Variants in SETX observed in about 807,000 individuals in gnomAD.
The protein encoded by SETX is helicase senataxin.
A neutral mutation model predicts 227.2 loss-of-function variants in SETX; 90 were observed. That is an observed-to-expected ratio of 0.40 (90% confidence interval 0.33 to 0.47). SETX has a LOEUF of 0.47. SETX is among the 20% of genes least tolerant of loss of function. SETX has a pLI of 0.91. For synonymous variants in SETX, 1,210 were observed against 1,113.2 expected (o/e 1.09, Z -1.73); for missense variants, 3,052 against 3,181.5 (o/e 0.96, Z 0.98).
At chr9:132,342,872 G>T (rs1433866167) in intron 4 of SETX, 73 bp from the exon 5 acceptor site, 2 of 1,097,172 alleles carry the variant, frequency 1.8e-6, no homozygotes, top group Admixed American at 1.7e-5. Flanking sequence ...AGGCTCCTTG[G>T]GCTATTCTGT....
At chr9:132,287,296 C>T (rs1318397065) in intron 17 of SETX, among the ~76,000 whole-genome samples, 1 of 152,084 alleles carries the variant, frequency 6.6e-6, no homozygotes, top group Admixed American at 6.6e-5. Flanking sequence ...CCACCCTGGG[C>T]AACATGGCAA....
In SETX at chr9:132,335,154, G is replaced by T. The variant is rs567506794; in HGVS notation, c.719-427C>A. Among the ~76,000 whole-genome samples, 53 of 152,062 alleles carry T rather than the reference G, an allele frequency of 3.5e-4. No individual in the cohort carries two copies. In the South Asian group the frequency reaches 0.01, roughly 29 times the overall value. ...ACCTGTAATCCCAGCACTTTGGGAG[G>T]CCAAGGCGGGCAGATCACAAAGTCA... On this transcript the variant is annotated intron_variant, in intron 6 of 25. Transcript: ENST00000224140.
chr9:132,330,045 A>G lies in SETX; in HGVS notation c.1553T>C (p.Ile518Thr). 6.2e-7 allele frequency: 1 copy of G among 1,614,180 alleles called. No homozygotes were observed. The highest frequency in any genetic ancestry group is 8.5e-7 in the Non-Finnish European group (1 of 1,179,946). Residue 518 changes from isoleucine (I) to threonine (T), a missense_variant, in exon 10 of 26, where the codon ATA becomes ACA. Transcript: ENST00000224140. ...CATGGAATGCAATGACAGTGAAGAT[A>G]TCATTGCTGTTCCTTTGGAGCAATT... ...SGNCSKGTAMISSLSLHSMPS... is the reference protein window; with the variant it reads ...SGNCSKGTAMTSSLSLHSMPS...
In SETX at chr9:132,327,811, T is replaced by C; in HGVS notation, c.3787A>G (p.Arg1263Gly). 1.9e-6 allele frequency: 3 copies of C among 1,614,222 alleles called. No homozygotes were observed. The highest frequency in any genetic ancestry group is 2.5e-6 in the Non-Finnish European group (3 of 1,180,036). Reference protein sequence around the residue: ...QNRSSNYLSCRTTPAIVPPKK... With the variant: ...QNRSSNYLSCGTTPAIVPPKK... ...GGCGGCACTATAGCAGGAGTTGTTC[T>C]ACAACTTAGGTAATTTGAACTTCTA... is the stretch of plus-strand genomic sequence containing the variant. Residue 1263 changes from arginine to glycine, a missense_variant, in exon 10 of 26, where the codon AGA (arginine) becomes GGA (glycine). By Grantham distance (125) the Arg-to-Gly change is moderately radical (BLOSUM62 -2). This residue lies in a region of SETX where 1,483 missense variants were observed against 1,312.0 expected (regional missense o/e 1.13). Transcript: ENST00000224140.
chr9:132,339,922 C>T (rs73548763), intron 5 of SETX, among the ~76,000 whole-genome samples: 6,301 of 152,224 alleles, frequency 0.041, 444 homozygotes, highest in African/African-American at 0.14. Flanking sequence ...GCCATATCTC[C>T]GGTATTTCTT....
intron 7 of SETX, among the ~76,000 whole-genome samples, chr9:132,333,400 A>ATATATAT (rs1307013195): frequency 2.8e-4 from 23 of 82,258 alleles, no homozygotes; most frequent in African/African-American, 1.6e-3. Context: ...AAAAAAAAGA[A>ATATATAT]AAAAAAAAAT....
intron 9 of SETX, 116 bp downstream of exon 9, chr9:132,330,936 C>T: frequency 1.2e-6 from 1 of 808,792 alleles, no homozygotes; most frequent in Non-Finnish European, 2.1e-6. Flanking sequence ...TTTTACATAG[C>T]AGTAGATTGA....
Position 132,336,371 on chromosome 9 carries a change from CAGA to C in SETX, c.640_642del (p.Ser214del), listed in dbSNP as rs778103887. ...AGAATCAGTTTACCCTTCTCTAGGA[CAGA>C]AGAAGTATAAATGTCTGGACTCTCT... On this transcript the variant is annotated inframe_deletion, in exon 6 of 26. Coordinates refer to ENST00000224140, the MANE Select transcript of SETX (RefSeq NM_015046.7). 5 of 1,614,106 alleles carry C rather than the reference CAGA, an allele frequency of 3.1e-6. No homozygotes were observed. Among genetic ancestry groups the C allele is most frequent in the South Asian group, 1.1e-5 (1 of 91,076 alleles).
chr9:132,263,980 T>C lies in SETX; in HGVS notation c.*259A>G, dbSNP rs1301561887. ...CACTCCAGTCTGACCTCCTTGTCTATAGAAGACTAAGAGATCAACATTTCC... is the reference window on the plus strand; with the variant it reads ...CACTCCAGTCTGACCTCCTTGTCTACAGAAGACTAAGAGATCAACATTTCC... On this transcript the variant is annotated 3_prime_UTR_variant, in exon 26 of 26. Coordinates refer to ENST00000224140, the MANE Select transcript of SETX (RefSeq NM_015046.7). The C allele has an allele frequency of 1.3e-4, 71 of 547,042 alleles. No individual in the cohort carries two copies. In the East Asian group the frequency reaches 1.9e-3, roughly 15 times the overall value. The allele number at this position is 547,042 out of a possible 1,614,324, so 33.9% of individuals were successfully genotyped here. A position where few individuals can be genotyped will look rare whatever the true frequency, so the allele number is the denominator to read the frequency against.
In SETX at chr9:132,328,780, T is replaced by C. The variant is rs1847023082; in HGVS notation, c.2818A>G (p.Arg940Gly). The change falls in exon 10 of 26, where the codon AGA (arginine) becomes GGA (glycine). Residue 940 changes from arginine (R) to glycine (G), a missense_variant. Arg to Gly is a moderately radical substitution (Grantham distance 125). Around this residue, in one of 10 missense-constraint regions of SETX, gnomAD observed 1,483 missense variants for 1,312.0 expected, o/e 1.13. Transcript: ENST00000224140. ...GGACTGATGTCAGGGGCCTGTTCTC[T>C]TGTCAAGTTAGAATAAATCACACTG... ...STSVIYSNLT[R>G]EQAPDISPKS... The C allele has an allele frequency of 1.2e-6, 2 of 1,610,988 alleles. No homozygotes were observed. Among genetic ancestry groups the C allele is most frequent in the East Asian group, 2.2e-5 (1 of 44,870 alleles).
intron 12 of SETX, among the ~76,000 whole-genome samples, chr9:132,299,393 G>A (rs1380464845): frequency 6.6e-6 from 1 of 152,136 alleles, no homozygotes; most frequent in East Asian, 1.9e-4. Context: ...CTATAAATTT[G>A]GCAAAGGTAA....
rs369105205 is a variant in SETX, at chr9:132,311,824, T to C, written c.5307A>G (p.Arg1769=). The stretch of plus-strand genomic sequence containing the variant: ...GTACTTGCAACTGATAGAAATTCTC[T>C]CTATTTGGAGAGTTGAGCCATTCTT... ...VAQEWLNSPN[R]ENFYQLQVRK... is the part of the protein sequence containing the mutation. Residue 1769 remains arginine (R), a synonymous_variant, in exon 11 of 26, where the codon AGA becomes AGG. Coordinates refer to ENST00000224140, the MANE Select transcript of SETX (RefSeq NM_015046.7). 45 of 1,613,592 alleles carry C rather than the reference T, an allele frequency of 2.8e-5. No homozygotes were observed. The highest frequency in any genetic ancestry group is 6.7e-5 in the Admixed American group (4 of 59,996).
At chr9:132,291,428 AG>A (rs951042201) in intron 15 of SETX, among the ~76,000 whole-genome samples, 21 of 152,086 alleles carry the variant, frequency 1.4e-4, no homozygotes, top group Non-Finnish European at 2.4e-4. Flanking sequence ...GGCCTCCCAA[AG>A]TGCTGGGATT....
At chr9:132,319,490 TATTTC>T (rs1277079902) in intron 10 of SETX, among the ~76,000 whole-genome samples, 1 of 152,192 alleles carries the variant, frequency 6.6e-6, no homozygotes, top group African/African-American at 2.4e-5. Context: ...TCTCCAATCT[TATTTC>T]ATTTCTCTTT....
intron 1 of SETX, 54 bp from the exon 2 acceptor site, chr9:132,353,809 C>T (rs1848729745): frequency 6.6e-6 from 1 of 152,156 alleles, no homozygotes; most frequent in African/African-American, 2.4e-5. Flanking sequence ...TACTCTATAT[C>T]CCATCTGAGC....
intron 2 of SETX, among the ~76,000 whole-genome samples, chr9:132,350,670 A>G (rs1370123374): frequency 1.3e-5 from 2 of 152,228 alleles, no homozygotes; most frequent in Non-Finnish European, 2.9e-5. Flanking sequence ...TTTATTAAAT[A>G]TTACTTTTAC....
intron 21 of SETX, 93 bp downstream of exon 21, chr9:132,277,977 T>C: frequency 8.0e-7 from 1 of 1,242,424 alleles, no homozygotes; most frequent in East Asian, 2.4e-5. Context: ...TTATGCTTTT[T>C]ATGACAAGAC....
At chr9:132,269,769 T>A in intron 24 of SETX, 67 bp from the exon 25 acceptor site, 1 of 1,504,108 alleles carries the variant, frequency 6.6e-7, no homozygotes, top group Non-Finnish European at 9.2e-7. Context: ...GAGACAAAGG[T>A]GGACTCTAGA....
chr9:132,287,312 A>G (rs1035035238), intron 17 of SETX, among the ~76,000 whole-genome samples: 4 of 152,130 alleles, frequency 2.6e-5, no homozygotes, highest in Admixed American at 2.0e-4. Context: ...GGCAAGACCC[A>G]GTTTCTACAG....
Sources: gnomAD v4.1 joint callset for allele counts (sites outside exome capture counted in the v4.1 genomes callset) on GRCh38, gnomAD v4.1.1 for gene constraint, gnomAD v4.1.1 regional missense constraint, MANE v1.5 for transcripts, NCBI Gene and HGNC (gene_info 2026-07-23, HGNC 2026-07-21) for gene names.